Variants in NRIP1 observed in about 807,000 individuals in gnomAD.
The protein encoded by NRIP1 is nuclear receptor interacting protein 1.
In NRIP1, 28 loss-of-function variants were observed where a neutral mutation model predicts 75.0. The ratio of observed to expected loss-of-function variants is 0.37; its 90% CI spans 0.28 to 0.51. The LOEUF is 0.51. NRIP1 is among the 20% of genes least tolerant of loss of function. The pLI, the probability that NRIP1 is intolerant of heterozygous loss-of-function variation, is 0.92. For missense variants in NRIP1, 1,435 were observed against 1,343.7 expected (o/e 1.07, Z -1.06); for synonymous variants, 526 against 487.6 (o/e 1.08, Z -1.04).
chr21:15,002,534 C>G (rs756081339), intron 3 of NRIP1, among the ~76,000 whole-genome samples: 2 of 152,090 alleles, frequency 1.3e-5, no homozygotes, highest in Admixed American at 6.6e-5. Flanking sequence ...GATGTGTCTA[C>G]TTCGGTGAAC....
intron 2 of NRIP1, among the ~76,000 whole-genome samples, chr21:15,035,555 A>C (rs2088812470): frequency 7.2e-6 from 1 of 138,108 alleles, no homozygotes; most frequent in Non-Finnish European, 1.6e-5. Context: ...ATTGTATATG[A>C]CTTTTTTTTT....
intron 2 of NRIP1, among the ~76,000 whole-genome samples, chr21:15,026,107 C>A (rs975547300): frequency 6.6e-6 from 1 of 151,960 alleles, no homozygotes; most frequent in Non-Finnish European, 1.5e-5. Flanking sequence ...GGAAATAAGT[C>A]AACAGAGGAA....
At chr21:15,022,636 T>C (rs1600883567) in intron 2 of NRIP1, among the ~76,000 whole-genome samples, 1 of 152,234 alleles carries the variant, frequency 6.6e-6, no homozygotes, top group Non-Finnish European at 1.5e-5. Context: ...ATAAACCTAA[T>C]GTATTACAAT....
chr21:15,056,347 G>A (rs2089306720), intron 1 of NRIP1, among the ~76,000 whole-genome samples: 1 of 150,886 alleles, frequency 6.6e-6, no homozygotes, highest in South Asian at 2.1e-4. Context: ...AGTATTACCA[G>A]GATAGATAAA....
chr21:14,973,466 G>A (rs534770820), intron 3 of NRIP1, among the ~76,000 whole-genome samples: 6 of 151,976 alleles, frequency 3.9e-5, no homozygotes, highest in South Asian at 2.1e-4. Flanking sequence ...TATATACAAC[G>A]AGAAAAAAGT....
rs766749957 is a variant in NRIP1, at chr21:14,967,046, G to A, written c.1147C>T (p.Leu383Phe). Residue 383 changes from leucine to phenylalanine, a missense_variant, in exon 4 of 4, where the codon CTT becomes TTT. Physicochemically the swap from Leu to Phe is conservative, Grantham distance 22. Transcript: ENST00000318948. ...TTAGGTATAGTCTGGCTTTTAAGAA[G>A]ATGTAAAAGCAAACTATTGTTAGCA... The part of the protein sequence containing the change: ...QAANNSLLLH[L>F]LKSQTIPKPM... The A allele has an allele frequency of 7.4e-6, 12 of 1,614,162 alleles. No homozygotes were observed. The highest frequency in any genetic ancestry group is 1.0e-5 in the Non-Finnish European group (12 of 1,180,018).
At chr21:15,052,537 A>G (rs2147373960) in intron 1 of NRIP1, among the ~76,000 whole-genome samples, 1 of 152,332 alleles carries the variant, frequency 6.6e-6, no homozygotes, top group South Asian at 2.1e-4. Flanking sequence ...GGTAGTATGT[A>G]CAACCACAGT....
intron 1 of NRIP1, chr21:15,052,141 G>A (rs950357478): frequency 4.6e-5 from 7 of 152,090 alleles, no homozygotes; most frequent in African/African-American, 1.7e-4. Flanking sequence ...CCTCACTTTC[G>A]AAGTAACGCT....
At chr21:15,033,224 CAA>C (rs11379755) in intron 2 of NRIP1, among the ~76,000 whole-genome samples, 2,288 of 110,456 alleles carry the variant, frequency 0.021, 47 homozygotes, top group African/African-American at 0.069. Flanking sequence ...GACTCTGTCT[CAA>C]AAAAAAAAAA....
intron 3 of NRIP1, among the ~76,000 whole-genome samples, chr21:15,000,787 A>G (rs976849129): frequency 1.3e-5 from 2 of 152,242 alleles, no homozygotes; most frequent in African/African-American, 2.4e-5. Context: ...ACAAAAATAC[A>G]GTACAAATAA....
intron 3 of NRIP1, among the ~76,000 whole-genome samples, chr21:14,980,233 T>C (rs2087194200): frequency 6.6e-6 from 1 of 152,224 alleles, no homozygotes; most frequent in African/African-American, 2.4e-5. Flanking sequence ...GCTCAACCTG[T>C]AATCCCAGCA....
intron 2 of NRIP1, among the ~76,000 whole-genome samples, chr21:15,019,311 T>C (rs1017552387): frequency 7.5e-6 from 1 of 132,938 alleles, no homozygotes; most frequent in African/African-American, 3.3e-5. Context: ...GCAACAAATA[T>C]AAAGATAGAT....
At chr21:14,973,396 T>TAA (rs1316097714) in intron 3 of NRIP1, among the ~76,000 whole-genome samples, 7 of 152,072 alleles carry the variant, frequency 4.6e-5, no homozygotes, top group Admixed American at 4.6e-4. Flanking sequence ...CTTTAAACAT[T>TAA]AGGTTGGTAG....
At chr21:15,039,542 G>A (rs905845370) in intron 2 of NRIP1, among the ~76,000 whole-genome samples, 21 of 152,204 alleles carry the variant, frequency 1.4e-4, no homozygotes, top group Middle Eastern at 3.4e-3. Context: ...AAATAAACAT[G>A]AAGAAACATT....
At chr21:15,010,019 G>C (rs755127980) in intron 3 of NRIP1, among the ~76,000 whole-genome samples, 7 of 152,156 alleles carry the variant, frequency 4.6e-5, no homozygotes, top group Non-Finnish European at 1.0e-4. Context: ...AGGAGACAAA[G>C]CTTCAAGCTA....
chr21:14,977,027 C>A (rs2087091489), intron 3 of NRIP1, among the ~76,000 whole-genome samples: 1 of 152,076 alleles, frequency 6.6e-6, no homozygotes, highest in African/African-American at 2.4e-5. Flanking sequence ...CAGCTTTGAC[C>A]ATTAGGACAC....
chr21:15,039,875 A>G (rs1261870042), intron 2 of NRIP1, among the ~76,000 whole-genome samples: 1 of 152,130 alleles, frequency 6.6e-6, no homozygotes, highest in Non-Finnish European at 1.5e-5. Context: ...ACACTGGCTA[A>G]TTGATTTATC....
intron 3 of NRIP1, among the ~76,000 whole-genome samples, chr21:14,984,034 T>C (rs1172443677): frequency 1.3e-5 from 2 of 152,368 alleles, no homozygotes; most frequent in Non-Finnish European, 1.5e-5. Context: ...AAGAGTAATT[T>C]TGACTTCATA....
At chr21:15,032,484 T>G (rs1568995384) in intron 2 of NRIP1, among the ~76,000 whole-genome samples, 2 of 151,052 alleles carry the variant, frequency 1.3e-5, no homozygotes, top group Non-Finnish European at 2.9e-5. Flanking sequence ...AATATTTGGA[T>G]AAATGATGGC....
Sources: allele counts gnomAD v4.1 joint callset (sites outside exome capture counted in the v4.1 genomes callset), GRCh38; gene constraint gnomAD v4.1.1; transcripts MANE v1.5; gene names NCBI Gene and HGNC (gene_info 2026-07-23, HGNC 2026-07-21).